The following LRP1B variants were observed in gnomAD, a reference collection of about 807,000 sequenced individuals.
LRP1B encodes the protein low-density lipoprotein receptor-related protein 1B.
In LRP1B, 217 loss-of-function variants were observed where a neutral mutation model predicts 556.6. That is an observed-to-expected ratio of 0.39 (90% CI 0.35 to 0.44). The LOEUF (loss-of-function observed/expected upper bound fraction) is 0.44. Among genes scored for constraint, LRP1B ranks in the 20% least tolerant of loss-of-function variants. LRP1B has a pLI of 1.00. For synonymous variants in LRP1B, 2,047 were observed against 1,865.8 expected (o/e 1.10, Z -2.50); for missense variants, 5,053 against 5,620.8 (o/e 0.90, Z 3.23).
intron 79 of LRP1B, among the ~76,000 whole-genome samples, chr2:140,333,282 G>T (rs1040181920): frequency 6.6e-6 from 1 of 151,984 alleles, no homozygotes; most frequent in Non-Finnish European, 1.5e-5. Context: ...TCCATTGACA[G>T]CCCATCTCTT....
At chr2:141,132,844 A>G (rs548198371) in intron 7 of LRP1B, among the ~76,000 whole-genome samples, 2 of 152,112 alleles carry the variant, frequency 1.3e-5, no homozygotes, top group East Asian at 1.9e-4. Context: ...TATTTTTTAA[A>G]CCTCCTAGAA....
rs1443727184 is a variant in LRP1B, at chr2:140,506,804, G to T, written c.8513C>A (p.Pro2838Gln). 1.9e-6 allele frequency: 3 copies of T among 1,612,850 alleles called. No individual in the cohort carries two copies. The highest frequency in any genetic ancestry group is 2.5e-6 in the Non-Finnish European group (3 of 1,179,392). The change falls in exon 53 of 91, where the codon CCG becomes CAG. Residue 2838 changes from proline (P) to glutamine (Q), a missense_variant. Pro to Gln is a moderately conservative substitution (Grantham distance 76). This residue lies in a region of LRP1B where 3,619 missense variants were observed against 3,931.9 expected (regional missense o/e 0.92). Transcript: ENST00000389484. Reference sequence around the variant, plus strand: ...GTTTTAGATGTACTTACCACACTGCGGTGACTCATCAGAGCCATCTCCACA... The same window carrying T: ...GTTTTAGATGTACTTACCACACTGCTGTGACTCATCAGAGCCATCTCCACA... ...DDCGDGSDESPQCGYRQCGTE... is the reference protein window; with the variant it reads ...DDCGDGSDESQQCGYRQCGTE...
chr2:141,724,032 G>C (rs184080796), intron 2 of LRP1B, among the ~76,000 whole-genome samples: 17 of 151,946 alleles, frequency 1.1e-4, no homozygotes, highest in African/African-American at 3.6e-4. Flanking sequence ...TTACTGGAAA[G>C]ATTTAGTATT....
At chr2:140,318,641 C>T (rs1684636122) in intron 82 of LRP1B, among the ~76,000 whole-genome samples, 1 of 149,302 alleles carries the variant, frequency 6.7e-6, no homozygotes, top group African/African-American at 2.5e-5. Flanking sequence ...ACTCTGGAAG[C>T]TAGAATTTCC....
intron 1 of LRP1B, among the ~76,000 whole-genome samples, chr2:142,086,838 T>A (rs1236598145): frequency 6.6e-6 from 1 of 152,212 alleles, no homozygotes; most frequent in African/African-American, 2.4e-5. Flanking sequence ...GAATACTGTA[T>A]CAGAGTTAGG....
chr2:141,339,065 T>C (rs1364050865), intron 3 of LRP1B, among the ~76,000 whole-genome samples: 1 of 152,128 alleles, frequency 6.6e-6, no homozygotes, highest in East Asian at 1.9e-4. Flanking sequence ...CAACTTCCTT[T>C]TATTCTTCAG....
At chr2:141,513,476 C>A (rs1009025992) in intron 2 of LRP1B, among the ~76,000 whole-genome samples, 1 of 151,958 alleles carries the variant, frequency 6.6e-6, no homozygotes, top group Non-Finnish European at 1.5e-5. Flanking sequence ...AAAATAAAAT[C>A]TAAATTCTAT....
At chr2:141,319,307 G>GTTTTTTTT (rs1370500448) in intron 3 of LRP1B, among the ~76,000 whole-genome samples, 15 of 88,786 alleles carry the variant, frequency 1.7e-4, no homozygotes, top group African/African-American at 4.3e-4. Flanking sequence ...GTGTTTTTTT[G>GTTTTTTTT]TTGTTTTTTT....
intron 2 of LRP1B, among the ~76,000 whole-genome samples, chr2:141,600,554 G>A (rs533287607): frequency 6.6e-6 from 1 of 152,094 alleles, no homozygotes; most frequent in African/African-American, 2.4e-5. Context: ...AGAAGCTGTA[G>A]TCTGAATGAA....
intron 3 of LRP1B, among the ~76,000 whole-genome samples, chr2:141,416,171 T>C (rs941993820): frequency 7.2e-5 from 11 of 152,158 alleles, no homozygotes; most frequent in Admixed American, 6.5e-4. Flanking sequence ...GAAAATTCCA[T>C]GTGGAGCTTT....
chr2:141,677,088 T>C (rs1690912763), intron 2 of LRP1B, among the ~76,000 whole-genome samples: 1 of 152,184 alleles, frequency 6.6e-6, no homozygotes, highest in East Asian at 1.9e-4. Context: ...GACTCTAGAC[T>C]ATTTAGTCCC....
At chr2:140,788,358 G>T (rs1416009391) in intron 32 of LRP1B, among the ~76,000 whole-genome samples, 4 of 152,140 alleles carry the variant, frequency 2.6e-5, no homozygotes, top group Non-Finnish European at 5.9e-5. Flanking sequence ...GGATGGATTT[G>T]CACAACTTTT....
At chr2:140,692,722 C>A (rs1686288832) in intron 41 of LRP1B, among the ~76,000 whole-genome samples, 2 of 152,074 alleles carry the variant, frequency 1.3e-5, no homozygotes, top group African/African-American at 4.8e-5. Flanking sequence ...AGGATTGCAA[C>A]TATACACCAC....
chr2:140,302,828 C>G (rs1164681587), intron 83 of LRP1B, among the ~76,000 whole-genome samples: 1 of 151,800 alleles, frequency 6.6e-6, no homozygotes, highest in South Asian at 2.1e-4. Context: ...CTCCTCCCAC[C>G]CAGTTGCTCA....
At chr2:141,985,490 C>T (rs1013343430) in intron 1 of LRP1B, among the ~76,000 whole-genome samples, 20 of 150,862 alleles carry the variant, frequency 1.3e-4, no homozygotes, top group Non-Finnish European at 2.7e-4. Context: ...AAATTCCTTT[C>T]AAACAGACGA....
chr2:141,053,601 C>A (rs568687094), intron 10 of LRP1B, among the ~76,000 whole-genome samples: 27 of 152,092 alleles, frequency 1.8e-4, no homozygotes, highest in Admixed American at 1.4e-3. Flanking sequence ...TGGAATGTTC[C>A]AAAGACCCAG....
At chr2:140,442,267 T>C (rs1398208040) in intron 66 of LRP1B, among the ~76,000 whole-genome samples, 1 of 152,200 alleles carries the variant, frequency 6.6e-6, no homozygotes, top group Non-Finnish European at 1.5e-5. Flanking sequence ...ACCTCTTTGG[T>C]CTATGTTTTA....
chr2:141,221,248 C>T (rs887522954), intron 6 of LRP1B, among the ~76,000 whole-genome samples: 1 of 138,766 alleles, frequency 7.2e-6, no homozygotes, highest in African/African-American at 2.8e-5. Context: ...GCAAGGGTTG[C>T]AATCCTAGTT....
intron 1 of LRP1B, among the ~76,000 whole-genome samples, chr2:141,912,610 T>A (rs1480331293): frequency 6.6e-6 from 1 of 151,860 alleles, no homozygotes; most frequent in Non-Finnish European, 1.5e-5. Context: ...ATTTTAGGAG[T>A]TCAGAACATG....
Sources: allele counts gnomAD v4.1 joint callset (sites outside exome capture counted in the v4.1 genomes callset), GRCh38; gene constraint gnomAD v4.1.1; regional missense constraint gnomAD v4.1.1; transcripts MANE v1.5; gene names NCBI Gene and HGNC (gene_info 2026-07-23, HGNC 2026-07-21).